Variants in KCNU1 observed in about 807,000 individuals in gnomAD.
KCNU1 encodes the protein potassium channel subfamily U member 1.
Under a neutral mutation model 126.8 loss-of-function variants are expected in KCNU1, and 93 were observed. The observed-to-expected ratio is 0.73, with a 90% CI of 0.62 to 0.87. The LOEUF (loss-of-function observed/expected upper bound fraction) is 0.87, where lower values mean the gene tolerates loss of function less well. Among genes scored for constraint, KCNU1 ranks in the 40% least tolerant of loss-of-function variants. The probability of loss-of-function intolerance (pLI) is 0.00; values close to 1 mark genes in which losing one functional copy is unlikely to be tolerated. For missense variants in KCNU1, 1,330 were observed against 1,367.1 expected (o/e 0.97, Z 0.43); for synonymous variants, 523 against 494.2 (o/e 1.06, Z -0.77).
intron 18 of KCNU1, among the ~76,000 whole-genome samples, chr8:36,848,055 T>C (rs1805213527): frequency 6.6e-6 from 1 of 152,264 alleles, no homozygotes; most frequent in Non-Finnish European, 1.5e-5. Flanking sequence ...TTGATTTGCA[T>C]TTCTTTGATA....
chr8:36,831,824 A>G (rs1260579480), intron 10 of KCNU1, among the ~76,000 whole-genome samples: 3 of 150,998 alleles, frequency 2.0e-5, no homozygotes, highest in Admixed American at 2.0e-4. Flanking sequence ...TTAGACATGA[A>G]GTCCTTGCCC....
chr8:36,907,713 GA>G (rs1322949230), intron 20 of KCNU1, among the ~76,000 whole-genome samples: 1 of 152,120 alleles, frequency 6.6e-6, no homozygotes, highest in African/African-American at 2.4e-5. Flanking sequence ...CTGTTTCATA[GA>G]AGATTGCCAT....
At chr8:36,897,298 A>G (rs1807233591) in intron 19 of KCNU1, among the ~76,000 whole-genome samples, 1 of 152,026 alleles carries the variant, frequency 6.6e-6, no homozygotes, top group South Asian at 2.1e-4. Context: ...CATAAAATTT[A>G]TAGAATCATT....
chr8:36,861,376 C>T (rs2117326962), intron 18 of KCNU1, among the ~76,000 whole-genome samples: 1 of 152,284 alleles, frequency 6.6e-6, no homozygotes, highest in Non-Finnish European at 1.5e-5. Context: ...CTAGTGACTA[C>T]AATAGCTTTC....
At chr8:36,853,936 A>G (rs1805441271) in intron 18 of KCNU1, among the ~76,000 whole-genome samples, 1 of 152,202 alleles carries the variant, frequency 6.6e-6, no homozygotes, top group Non-Finnish European at 1.5e-5. Flanking sequence ...GTTCTTGTTA[A>G]TCTTAAAAAT....
chr8:36,915,981 A>G (rs1808086273), intron 22 of KCNU1, among the ~76,000 whole-genome samples: 1 of 151,940 alleles, frequency 6.6e-6, no homozygotes, highest in Non-Finnish European at 1.5e-5. Context: ...GGAAGAAGGA[A>G]AAAAGGAAGG....
intron 18 of KCNU1, among the ~76,000 whole-genome samples, chr8:36,863,395 G>A (rs1465651577): frequency 1.3e-5 from 2 of 152,128 alleles, no homozygotes; most frequent in East Asian, 3.9e-4. Flanking sequence ...GGTGGGCAGG[G>A]GAAGAGGAGT....
chr8:36,933,108 G>T, intron 26 of KCNU1, 76 bp downstream of exon 26: 1 of 890,574 alleles, frequency 1.1e-6, no homozygotes, highest in African/African-American at 1.7e-5. Context: ...CAATGTGAAA[G>T]AGAATTCCAG....
rs190811334 is a variant in KCNU1, at chr8:36,789,208, T to G, written c.315+1783T>G. Among the ~76,000 whole-genome samples, 242 of 152,190 alleles carry G rather than the reference T, an allele frequency of 1.6e-3. 1 individual carries two copies. Among genetic ancestry groups the G allele is most frequent in the African/African-American group, 5.5e-3 (230 of 41,544 alleles). On this transcript the variant is annotated intron_variant, in intron 2 of 26. Coordinates refer to ENST00000399881, the MANE Select transcript of KCNU1 (RefSeq NM_001031836.3). ...TCACCTCTACAAATAATTTAAAAGT[T>G]AACTCAGCGTGTTGGCCTGCACCTG...
intron 6 of KCNU1, among the ~76,000 whole-genome samples, chr8:36,808,256 T>A (rs190190701): frequency 6.6e-6 from 1 of 152,158 alleles, no homozygotes; most frequent in African/African-American, 2.4e-5. Flanking sequence ...CAGCAGTCTG[T>A]GTGACTTTAT....
intron 1 of KCNU1, among the ~76,000 whole-genome samples, chr8:36,785,242 G>A (rs556618239): frequency 2.0e-5 from 3 of 152,272 alleles, no homozygotes; most frequent in South Asian, 2.1e-4. Context: ...TACAGATAAG[G>A]CATTGCTTAA....
At chr8:36,872,020 G>T (rs1452009257) in intron 19 of KCNU1, among the ~76,000 whole-genome samples, 1 of 151,982 alleles carries the variant, frequency 6.6e-6, no homozygotes, top group Admixed American at 6.6e-5. Context: ...GACTTGCATA[G>T]TTTCCAAGAA....
chr8:36,917,750 G>T (rs1248656074), intron 22 of KCNU1, among the ~76,000 whole-genome samples: 1 of 152,064 alleles, frequency 6.6e-6, no homozygotes, highest in South Asian at 2.1e-4. Flanking sequence ...ACATGATAAA[G>T]CTGTATCAGG....
chr8:36,862,337 G>A (rs1653721348), intron 18 of KCNU1, among the ~76,000 whole-genome samples: 3 of 152,230 alleles, frequency 2.0e-5, no homozygotes, highest in South Asian at 4.2e-4. Context: ...AATATTTGAA[G>A]CAATATTGAA....
rs115230705 is a variant in KCNU1, at chr8:36,931,959, C to A, written c.2931+814C>A. ...GAGAAATCTACTTGTCATTGTGGTG[C>A]CTTCTGGTTTGGTTTTAATTGGCAT... On this transcript the variant is annotated intron_variant, in intron 25 of 26. Transcript: ENST00000399881. Among the ~76,000 whole-genome samples, 695 of 152,158 alleles carry A rather than the reference C, an allele frequency of 4.6e-3. 9 individuals carry two copies. Among genetic ancestry groups the A allele is most frequent in the African/African-American group, 0.016 (654 of 41,528 alleles).
chr8:36,807,354 C>G (rs1803541311), intron 5 of KCNU1, 21 bp from the exon 6 acceptor site: 1 of 1,601,466 alleles, frequency 6.2e-7, no homozygotes, highest in African/African-American at 1.3e-5. Context: ...TGGCAGCTTT[C>G]TCCTTTCCAT....
In KCNU1 at chr8:36,796,894, G is replaced by A. The variant is rs1412242753; in HGVS notation, c.316-7133G>A. Among the ~76,000 whole-genome samples, 5 of 151,922 alleles carry A rather than the reference G, an allele frequency of 3.3e-5. No homozygotes were observed. The South Asian group carries it at 8.3e-4, about 25-fold the overall frequency. The stretch of plus-strand genomic sequence containing the variant: ...TCCTTTATGGTGATCTATTTTATTG[G>A]TATTTATATTATAATATTTGGAGAT... On this transcript the variant is annotated intron_variant, in intron 2 of 26. Transcript: ENST00000399881.
chr8:36,902,614 C>CA (rs765440543), intron 19 of KCNU1, among the ~76,000 whole-genome samples: 2 of 152,114 alleles, frequency 1.3e-5, no homozygotes, highest in Non-Finnish European at 2.9e-5. Context: ...GATATGTAAA[C>CA]ACATGTTCTG....
chr8:36,820,573 C>T (rs547112824), intron 10 of KCNU1, among the ~76,000 whole-genome samples: 1 of 150,284 alleles, frequency 6.7e-6, no homozygotes, highest in East Asian at 2.0e-4. Flanking sequence ...GTCATTTACT[C>T]TAGTTTAATC....
Sources: gnomAD v4.1 joint callset for allele counts (sites outside exome capture counted in the v4.1 genomes callset) on GRCh38, gnomAD v4.1.1 for gene constraint, MANE v1.5 for transcripts, NCBI Gene and HGNC (gene_info 2026-07-23, HGNC 2026-07-21) for gene names.